PSMG2: variants seen among roughly 807,000 people sequenced by gnomAD.
PSMG2 encodes CD40 ligand-activated specific transcript 3.
Under a neutral mutation model 31.5 loss-of-function variants are expected in PSMG2, and 21 were observed. That is an observed-to-expected ratio of 0.67 (90% confidence interval 0.47 to 0.96). The LOEUF (loss-of-function observed/expected upper bound fraction) is 0.96. Ranked by LOEUF, PSMG2 falls within the 40% of genes least tolerant of loss-of-function variation. The pLI, the probability that PSMG2 is intolerant of heterozygous loss-of-function variation, is 0.00. For synonymous variants in PSMG2, 120 were observed against 110.4 expected (o/e 1.09, Z -0.54); for missense variants, 318 against 321.2 (o/e 0.99, Z 0.08).
upstream of PSMG2, among the ~76,000 whole-genome samples, chr18:12,699,673 T>C (rs540171670): frequency 3.2e-4 from 48 of 152,326 alleles, no homozygotes; most frequent in African/African-American, 9.9e-4. Context: ...TCTTCTGATA[T>C]ACTTCATGCA....
chr18:12,697,535 C>T (rs1195341362), intron 1 of PSMG2: 2 of 659,818 alleles, frequency 3.0e-6, no homozygotes, highest in African/African-American at 3.7e-5. Flanking sequence ...TTGCTAATGT[C>T]TCAGAAAGCA....
intron 3 of PSMG2, among the ~76,000 whole-genome samples, chr18:12,715,584 C>A (rs1196423531): frequency 6.6e-6 from 1 of 152,072 alleles, no homozygotes; most frequent in East Asian, 1.9e-4. Context: ...CAGGTCACTG[C>A]AACCTCCGTC....
At chr18:12,663,125 G>GTCAAC (rs2038732061) in intron 1 of PSMG2, among the ~76,000 whole-genome samples, 1 of 152,108 alleles carries the variant, frequency 6.6e-6, no homozygotes, top group South Asian at 2.1e-4. Context: ...ACTGCTAGTT[G>GTCAAC]GCCTGAGATA....
At chr18:12,702,814 G>A, upstream of PSMG2, 1 of 556,968 alleles carries the variant, frequency 1.8e-6, no homozygotes, top group Non-Finnish European at 3.1e-6. Flanking sequence ...GATCGTTTCC[G>A]CCCGCCGCTC....
At chr18:12,689,882 C>T (rs1409196456) in intron 1 of PSMG2, among the ~76,000 whole-genome samples, 1 of 152,154 alleles carries the variant, frequency 6.6e-6, no homozygotes, top group Non-Finnish European at 1.5e-5. Context: ...CTCCGCCTCC[C>T]GGGTTAAGCA....
At chr18:12,725,064 G>C (rs2040463924) in intron 6 of PSMG2, among the ~76,000 whole-genome samples, 1 of 152,176 alleles carries the variant, frequency 6.6e-6, no homozygotes, top group African/African-American at 2.4e-5. Flanking sequence ...TTAGCCTTTA[G>C]GCATAACAGA....
Position 12,703,068 on chromosome 18 carries a change from A to G in PSMG2, c.-40A>G, listed in dbSNP as rs3809916. The G allele has an allele frequency of 0.42, 675,585 of 1,599,788 alleles. 146,846 individuals are homozygous for G. The highest frequency in any genetic ancestry group is 0.45 in the Non-Finnish European group (531,700 of 1,173,060). ...CCTTCTTGCTGCCCTCGTTCTTGCC[A>G]GGGCCGCGGTTAGTCCCTGCTGGCC... On this transcript the variant is annotated 5_prime_UTR_variant, in exon 1 of 7. Coordinates refer to ENST00000317615, the MANE Select transcript of PSMG2 (RefSeq NM_020232.5).
rs374958592 is a variant in PSMG2 at position 12,666,891 on chromosome 18, T to C, written c.-37+8118T>C. Among the ~76,000 whole-genome samples, 115 of 152,254 alleles carry C rather than the reference T, an allele frequency of 7.6e-4. 1 individual carries two copies. In the East Asian group the frequency reaches 0.016, roughly 21 times the overall value. On this transcript the variant is annotated intron_variant, in intron 1 of 6. Transcript: ENST00000585331. ...TTAACATCTTTAATCCAAACATCAG[T>C]TTTATTAATATATTGACAAAAAAAG...
chr18:12,678,447 A>C, intron 1 of PSMG2: 1 of 1,554,742 alleles, frequency 6.4e-7, no homozygotes, highest in Non-Finnish European at 8.7e-7. Context: ...ATGTACCTAA[A>C]AAAATTAAAT....
chr18:12,673,162 G>A (rs2038990299), intron 1 of PSMG2: 1 of 1,214,020 alleles, frequency 8.2e-7, no homozygotes, highest in African/African-American at 1.6e-5. Context: ...ATTCCAGGGA[G>A]ATTTATACAA....
upstream of PSMG2, chr18:12,700,987 C>G: frequency 6.2e-7 from 1 of 1,612,678 alleles, no homozygotes. Flanking sequence ...TTCATCACAT[C>G]GTCAATGATT....
rs1236723574 is a variant in PSMG2, at chr18:12,724,520, G to A, written c.603G>A (p.Met201Ile). ...GTAGCTGTTCTAAAGAAATCCAAATGGCAGTTCTGCTGAAATTTGTTTCAG... is the reference window on the plus strand; with the variant it reads ...GTAGCTGTTCTAAAGAAATCCAAATAGCAGTTCTGCTGAAATTTGTTTCAG... ...YDESCSKEIQ[M>I]AVLLKFVSEG... The change falls in exon 6 of 7, where the codon ATG (methionine) becomes ATA (isoleucine). Residue 201 changes from methionine (M) to isoleucine (I), a missense_variant. Physicochemically the swap from Met to Ile is conservative, Grantham distance 10 (BLOSUM62 1). Coordinates refer to ENST00000317615, the MANE Select transcript of PSMG2 (RefSeq NM_020232.5). 17 of 1,605,584 alleles carry A rather than the reference G, an allele frequency of 1.1e-5. No homozygotes were observed. The highest frequency in any genetic ancestry group is 2.3e-5 in the East Asian group (1 of 44,336).
chr18:12,718,703 GTTAAACT>G, intron 4 of PSMG2, 68 bp downstream of exon 4: 1 of 1,243,714 alleles, frequency 8.0e-7, no homozygotes, highest in Non-Finnish European at 1.1e-6. Context: ...CTATTAAAAA[GTTAAACT>G]TTAAAAGCCA....
intron 1 of PSMG2, among the ~76,000 whole-genome samples, chr18:12,683,315 G>A (rs759582024): frequency 4.0e-5 from 6 of 151,392 alleles, no homozygotes; most frequent in Non-Finnish European, 7.4e-5. Flanking sequence ...TCGTGACACT[G>A]CACTCCAGCC....
intron 1 of PSMG2, among the ~76,000 whole-genome samples, chr18:12,664,852 C>T (rs750768198): frequency 6.1e-4 from 93 of 151,634 alleles, no homozygotes; most frequent in African/African-American, 1.2e-3. Flanking sequence ...GCGCCCGTCA[C>T]CATGCCCAGC....
At chr18:12,712,903 T>G in intron 3 of PSMG2, 143 bp downstream of exon 3, 1 of 553,352 alleles carries the variant, frequency 1.8e-6, no homozygotes, top group Non-Finnish European at 3.1e-6. Flanking sequence ...AATCTTACAA[T>G]ATTTCAGATG....
At position 12,703,042 on chromosome 18, in the gene PSMG2, G is replaced by T; in HGVS notation, c.-66G>T. ...CGAGGCTCCGGGGTCTCGGGCTTCC[G>T]CCTTCTTGCTGCCCTCGTTCTTGCC... On this transcript the variant is annotated 5_prime_UTR_variant, in exon 1 of 7. Transcript: ENST00000317615. The T allele has an allele frequency of 6.4e-7, 1 of 1,562,668 alleles. No homozygotes were observed.
At chr18:12,663,638 T>G (rs2038743690) in intron 1 of PSMG2, among the ~76,000 whole-genome samples, 1 of 152,230 alleles carries the variant, frequency 6.6e-6, no homozygotes, top group Non-Finnish European at 1.5e-5. Context: ...AATGGAGAAT[T>G]ATCAATAAAA....
chr18:12,661,432 C>A, intron 1 of PSMG2: 4 of 793,348 alleles, frequency 5.0e-6, no homozygotes, highest in Non-Finnish European at 6.1e-6. Flanking sequence ...TCTAGCACCC[C>A]TGTGGAATAA....
Sources: allele counts gnomAD v4.1 joint callset (sites outside exome capture counted in the v4.1 genomes callset), GRCh38; gene constraint gnomAD v4.1.1; transcripts MANE v1.5; gene names NCBI Gene and HGNC (gene_info 2026-07-23, HGNC 2026-07-21).